ARHGEF10: variants seen among roughly 807,000 people sequenced by gnomAD.
ARHGEF10 encodes Rho guanine nucleotide exchange factor 10.
Under a neutral mutation model 147.4 loss-of-function variants are expected in ARHGEF10, and 140 were observed. That is an observed-to-expected ratio of 0.95 (90% CI 0.83 to 1.09). The LOEUF (loss-of-function observed/expected upper bound fraction) is 1.09, where lower values mean the gene tolerates loss of function less well. Among genes scored for constraint, ARHGEF10 ranks in the 50% least tolerant of loss-of-function variants. The probability of loss-of-function intolerance (pLI) is 0.00; values close to 1 mark genes in which losing one functional copy is unlikely to be tolerated. For synonymous variants in ARHGEF10, 902 were observed against 695.8 expected, an observed-to-expected ratio of 1.30 and a Z score of -4.67; for missense variants, 2,222 against 1,752.7, an observed-to-expected ratio of 1.27 and a Z score of -4.78.
rs754977835 is a variant in ARHGEF10 at position 1,928,574 on chromosome 8, G to C, written c.2845G>C (p.Ala949Pro). 3 of 1,614,122 alleles carry C rather than the reference G, an allele frequency of 1.9e-6. No individual in the cohort carries two copies. The highest frequency in any genetic ancestry group is 2.5e-6 in the Non-Finnish European group (3 of 1,180,058). ...CGAGGAGAAGCGCAGAGAGCCTGGGGCACCCCCGGACCCCGAGACCCCGGC... is the reference window on the plus strand; with the variant it reads ...CGAGGAGAAGCGCAGAGAGCCTGGGCCACCCCCGGACCCCGAGACCCCGGC... ...PVEEKRREPG[A>P]PPDPETPAVR... The change falls in exon 24 of 29, where the codon GCA (alanine) becomes CCA (proline). Residue 949 changes from alanine to proline, a missense_variant. By Grantham distance (27) the Ala-to-Pro change is conservative. Transcript: ENST00000349830.
In ARHGEF10 at chr8:1,858,107, C is replaced by T. The variant is rs761339369; in HGVS notation, c.185C>T (p.Ala62Val). The T allele has an allele frequency of 6.5e-6, 10 of 1,546,658 alleles. No homozygotes were observed. The highest frequency in any genetic ancestry group is 2.3e-5 in the East Asian group (1 of 42,884). Reference sequence around the variant, plus strand: ...GGTGCTGGAGCCAGTGAAGCCCCTGCACCCACAGGTGAGTTTCCAGGAGGG... The same window carrying T: ...GGTGCTGGAGCCAGTGAAGCCCCTGTACCCACAGGTGAGTTTCCAGGAGGG... ...TGGAGASEAP[A>V]PTGGEDGAGA... The change falls in exon 3 of 29, where the codon GCA (alanine) becomes GTA (valine). Residue 62 changes from alanine to valine, a missense_variant. Ala to Val is a moderately conservative substitution (Grantham distance 64, BLOSUM62 0). Coordinates refer to ENST00000349830, the MANE Select transcript of ARHGEF10 (RefSeq NM_014629.4).
chr8:1,835,036 C>T (rs4389987), intron 1 of ARHGEF10, among the ~76,000 whole-genome samples: 35,801 of 152,206 alleles, frequency 0.24, 4,249 homozygotes, highest in Admixed American at 0.27. Flanking sequence ...GAGCTCGGCT[C>T]GGTCGGGGAG....
intron 26 of ARHGEF10, among the ~76,000 whole-genome samples, chr8:1,938,894 AAC>A (rs1813843250): frequency 6.7e-6 from 1 of 149,568 alleles, no homozygotes; most frequent in African/African-American, 2.6e-5. Context: ...GAAACCCCCA[AAC>A]ACTGTGGAAT....
At chr8:1,933,584 G>C (rs1031615812) in intron 25 of ARHGEF10, among the ~76,000 whole-genome samples, 6 of 151,914 alleles carry the variant, frequency 3.9e-5, no homozygotes, top group African/African-American at 1.5e-4. Context: ...AGGGCTGCGT[G>C]TCCCACAGCT....
intron 26 of ARHGEF10, among the ~76,000 whole-genome samples, chr8:1,934,354 CAAAA>C (rs36102342): frequency 8.5e-6 from 1 of 117,420 alleles, no homozygotes; most frequent in Non-Finnish European, 1.7e-5. Context: ...ACCCTGTCTC[CAAAA>C]AAAAAAAAAA....
intron 18 of ARHGEF10, among the ~76,000 whole-genome samples, chr8:1,920,177 G>A (rs749618069): frequency 1.3e-5 from 2 of 152,066 alleles, no homozygotes; most frequent in Middle Eastern, 3.2e-3. Flanking sequence ...AGATGTTCAC[G>A]TGCATTTATA....
At chr8:1,898,929 C>T (rs1026388774) in intron 15 of ARHGEF10, among the ~76,000 whole-genome samples, 6 of 152,222 alleles carry the variant, frequency 3.9e-5, no homozygotes, top group Non-Finnish European at 8.8e-5. Flanking sequence ...ATGATTCTCG[C>T]CTCTGTGCCC....
chr8:1,864,537 T>TCCCGCCGCGCAGAG, intron 5 of ARHGEF10, 101 bp downstream of exon 5: 3 of 1,282,550 alleles, frequency 2.3e-6, no homozygotes, highest in Non-Finnish European at 2.3e-6. Flanking sequence ...CATCCTCAGC[T>TCCCGCCGCGCAGAG]CTGCGCGGCG....
At position 1,916,673 on chromosome 8, in the gene ARHGEF10, C is replaced by A. The variant is rs1387933455; in HGVS notation, c.2144-6291C>A. Among the ~76,000 whole-genome samples the A allele has an allele frequency of 2.0e-5, 3 of 152,276 alleles. No individual in the cohort carries two copies. In the South Asian group the frequency reaches 6.2e-4, roughly 32 times the overall value. On this transcript the variant is annotated intron_variant, in intron 18 of 28. Transcript: ENST00000349830. ...GGTTCATAACCAAGATTTCTCTATA[C>A]TTTCCATGTTAGAAAACTACTTGCT... is the stretch of plus-strand genomic sequence containing the variant.
intron 1 of ARHGEF10, among the ~76,000 whole-genome samples, chr8:1,824,583 C>G (rs1802622621): frequency 6.8e-6 from 1 of 146,686 alleles, no homozygotes; most frequent in African/African-American, 2.5e-5. Context: ...TCCCCGCACC[C>G]CGTGTACCCC....
chr8:1,876,617 C>G lies in ARHGEF10; in HGVS notation c.726C>G (p.Asn242Lys). 1 of 1,614,216 alleles carries G rather than the reference C, an allele frequency of 6.2e-7. No individual in the cohort carries two copies. The highest frequency in any genetic ancestry group is 1.1e-5 in the South Asian group (1 of 91,088). Residue 242 changes from asparagine (N) to lysine (K), a missense_variant, in exon 8 of 29, where the codon AAC becomes AAG. Physicochemically the swap from Asn to Lys is moderately conservative, Grantham distance 94 (BLOSUM62 0). Transcript: ENST00000349830. ...TTGAGAATGGGGATGAAGGTGGAAA[C>G]AGCTCCTTGGAATACGGATGGAGTT... ...DDVENGDEGGNSSLEYGWSSS... is the reference protein window; with the variant it reads ...DDVENGDEGGKSSLEYGWSSS...
At chr8:1,824,683 A>C (rs1585182810) in intron 1 of ARHGEF10, among the ~76,000 whole-genome samples, 1 of 52,202 alleles carries the variant, frequency 1.9e-5, no homozygotes, top group Non-Finnish European at 3.5e-5. Context: ...TTTACCCTGC[A>C]CCCCAGCTGT....
intron 16 of ARHGEF10, among the ~76,000 whole-genome samples, chr8:1,904,813 T>G (rs1435339011): frequency 6.8e-6 from 1 of 147,134 alleles, no homozygotes; most frequent in African/African-American, 2.5e-5. Flanking sequence ...TCTGTTTTTC[T>G]TGTGGGCTGA....
At chr8:1,918,295 AG>A (rs1474384737) in intron 18 of ARHGEF10, among the ~76,000 whole-genome samples, 1 of 152,094 alleles carries the variant, frequency 6.6e-6, no homozygotes, top group African/African-American at 2.4e-5. Context: ...CTGTGCCCTG[AG>A]GTGCCCTATT....
intron 26 of ARHGEF10, among the ~76,000 whole-genome samples, chr8:1,936,738 C>T (rs915823435): frequency 2.0e-5 from 3 of 152,220 alleles, no homozygotes; most frequent in Non-Finnish European, 2.9e-5. Context: ...AGACATTTTG[C>T]TGACATTTCA....
intron 5 of ARHGEF10, among the ~76,000 whole-genome samples, chr8:1,865,197 G>C (rs944150899): frequency 1.3e-5 from 2 of 152,218 alleles, no homozygotes; most frequent in African/African-American, 2.4e-5. Context: ...TTGGTGATGT[G>C]ATAAGTTCTC....
intron 18 of ARHGEF10, 79 bp downstream of exon 18, chr8:1,909,549 A>G: frequency 6.4e-7 from 1 of 1,569,994 alleles, no homozygotes; most frequent in Non-Finnish European, 8.7e-7. Flanking sequence ...GGGCCAGCGT[A>G]AGCTCCACCA....
chr8:1,904,533 T>A (rs1810730170), intron 16 of ARHGEF10, among the ~76,000 whole-genome samples: 1 of 152,212 alleles, frequency 6.6e-6, no homozygotes, highest in Non-Finnish European at 1.5e-5. Flanking sequence ...CAGCAAATTG[T>A]ATTCAGTTAT....
At chr8:1,900,757 T>G (rs1465174563) in intron 15 of ARHGEF10, among the ~76,000 whole-genome samples, 1 of 152,176 alleles carries the variant, frequency 6.6e-6, no homozygotes, top group East Asian at 1.9e-4. Flanking sequence ...TCAAAAGACT[T>G]GCACTTAGAA....
Sources: gnomAD v4.1 joint callset for allele counts (sites outside exome capture counted in the v4.1 genomes callset) on GRCh38, gnomAD v4.1.1 for gene constraint, MANE v1.5 for transcripts, NCBI Gene and HGNC (gene_info 2026-07-23, HGNC 2026-07-21) for gene names.